PARVB: variants seen among roughly 807,000 people sequenced by gnomAD.
The protein encoded by PARVB is parvin beta, also known as beta-parvin.
PARVB carries 46 observed loss-of-function variants against 47.0 expected under a neutral mutation model. That is an observed-to-expected ratio of 0.98 (90% CI 0.77 to 1.25). The LOEUF (loss-of-function observed/expected upper bound fraction) is 1.25, where lower values mean the gene tolerates loss of function less well. Ranked by LOEUF, PARVB falls within the 50% of genes most tolerant of loss-of-function variation. PARVB has a pLI of 0.00. For missense variants in PARVB, 473 were observed against 471.6 expected, an observed-to-expected ratio of 1.00 and a Z score of -0.03; for synonymous variants, 196 against 196.3, an observed-to-expected ratio of 1.00 and a Z score of 0.01.
At chr22:44,010,339 C>T (rs2050509975) in intron 2 of PARVB, among the ~76,000 whole-genome samples, 1 of 152,182 alleles carries the variant, frequency 6.6e-6, no homozygotes, top group African/African-American at 2.4e-5. Context: ...GATCACTCTG[C>T]CCTTTCCCCT....
intron 10 of PARVB, among the ~76,000 whole-genome samples, chr22:44,153,859 G>C (rs1047076578): frequency 3.3e-5 from 5 of 152,196 alleles, no homozygotes; most frequent in African/African-American, 1.2e-4. Context: ...CATTAAACCA[G>C]TGCCTCACGA....
intron 1 of PARVB, among the ~76,000 whole-genome samples, chr22:44,084,063 T>C (rs1338442931): frequency 6.6e-6 from 1 of 152,226 alleles, no homozygotes; most frequent in Non-Finnish European, 1.5e-5. Context: ...TCTTTCGATC[T>C]GGTGCCTTCA....
intron 1 of PARVB, among the ~76,000 whole-genome samples, chr22:44,082,859 C>T (rs1030765010): frequency 1.3e-5 from 2 of 152,070 alleles, no homozygotes; most frequent in Admixed American, 6.6e-5. Flanking sequence ...GGCTTCGGAG[C>T]TTTTTTTACA....
chr22:44,161,111 TTGTGTG>T (rs757284719), intron 11 of PARVB, among the ~76,000 whole-genome samples: 1 of 150,466 alleles, frequency 6.6e-6, no homozygotes, highest in Non-Finnish European at 1.5e-5. Flanking sequence ...GTCAAGCCTG[TTGTGTG>T]TGTGTGTGTG....
chr22:44,120,536 G>A (rs28696927), intron 4 of PARVB, among the ~76,000 whole-genome samples: 13,336 of 152,164 alleles, frequency 0.088, 1,917 homozygotes, highest in African/African-American at 0.3. Context: ...CCTCCTGGGG[G>A]CATCGTATCA....
At chr22:44,002,701 C>CAT (rs2050425095) in intron 2 of PARVB, among the ~76,000 whole-genome samples, 1 of 152,182 alleles carries the variant, frequency 6.6e-6, no homozygotes, top group South Asian at 2.1e-4. Context: ...CCTGTTTTTA[C>CAT]ATTTACACAT....
In PARVB at chr22:44,024,461, C is replaced by A. The variant is rs1435066022; in HGVS notation, c.112+10C>A. 8.7e-6 allele frequency: 10 copies of A among 1,143,628 alleles called. No individual in the cohort carries two copies. The African/African-American group carries it at 1.3e-4, about 15-fold the overall frequency. The allele number at this position is 1,143,628 out of a possible 1,614,324, so 70.8% of individuals were successfully genotyped here. The stretch of plus-strand genomic sequence containing the variant: ...CGGAGGGCGCGCGAGGGTGAGTGCG[C>A]GCCCGCGCCCGCCGACCCCCGGGGA... On this transcript the variant is annotated intron_variant, in intron 1 of 12. Transcript: ENST00000338758.
intron 1 of PARVB, among the ~76,000 whole-genome samples, chr22:44,082,988 C>T (rs531247318): frequency 6.6e-6 from 1 of 152,234 alleles, no homozygotes; most frequent in South Asian, 2.1e-4. Context: ...GGTCGGAATG[C>T]ACACCCCAGG....
intron 6 of PARVB, 68 bp from the exon 7 acceptor site, chr22:44,136,392 G>A: frequency 7.1e-7 from 1 of 1,399,998 alleles, no homozygotes; most frequent in Non-Finnish European, 1.0e-6. Context: ...AGCTTCGTCT[G>A]CCCTGTCAGT....
At chr22:44,059,828 G>A (rs746880396) in intron 1 of PARVB, among the ~76,000 whole-genome samples, 3 of 152,174 alleles carry the variant, frequency 2.0e-5, no homozygotes, top group Non-Finnish European at 2.9e-5. Flanking sequence ...CTGTCATTTG[G>A]TTTTAAACAG....
chr22:44,122,582 G>GAGAGAGACAGAGAGAC (rs2053091877), intron 4 of PARVB, among the ~76,000 whole-genome samples: 6 of 132,764 alleles, frequency 4.5e-5, no homozygotes, highest in African/African-American at 2.1e-4. Flanking sequence ...GAGAGAGAGA[G>GAGAGAGACAGAGAGAC]AGAGAGAGAG....
At chr22:44,119,282 T>C in intron 4 of PARVB, 142 bp downstream of exon 4, 1 of 670,568 alleles carries the variant, frequency 1.5e-6, no homozygotes, top group Non-Finnish European at 2.7e-6. Flanking sequence ...TCCCAGGTGG[T>C]GCCCAGGCCC....
chr22:44,052,569 T>A (rs1347820990), intron 1 of PARVB, among the ~76,000 whole-genome samples: 1 of 152,212 alleles, frequency 6.6e-6, no homozygotes, highest in Admixed American at 6.5e-5. Context: ...TAGGAATGAA[T>A]CAACTCTGCC....
At chr22:44,148,725 T>TTTTTCAAACTTG (rs2053740436) in intron 9 of PARVB, 1 of 152,228 alleles carries the variant, frequency 6.6e-6, no homozygotes, top group Admixed American at 6.5e-5. Flanking sequence ...GTAGGAAGCA[T>TTTTTCAAACTTG]TTTTCAAACT....
intron 1 of PARVB, among the ~76,000 whole-genome samples, chr22:44,035,280 C>A (rs2146903593): frequency 6.6e-6 from 1 of 152,014 alleles, no homozygotes; most frequent in East Asian, 1.9e-4. Flanking sequence ...AAGTGGCCGG[C>A]AACTGCAGCT....
At chr22:44,039,868 G>T (rs1164589310) in intron 1 of PARVB, 1 of 455,620 alleles carries the variant, frequency 2.2e-6, no homozygotes, top group Non-Finnish European at 4.4e-6. Context: ...AGGCTGAAGT[G>T]CAGTGGTGCA....
intron 1 of PARVB, among the ~76,000 whole-genome samples, chr22:44,050,159 C>G (rs1233471755): frequency 6.6e-6 from 1 of 152,196 alleles, no homozygotes; most frequent in Non-Finnish European, 1.5e-5. Context: ...CCTGCTGCCA[C>G]TGCCTTTACA....
chr22:44,062,956 G>A (rs561157766), intron 1 of PARVB, among the ~76,000 whole-genome samples: 1 of 152,138 alleles, frequency 6.6e-6, no homozygotes, highest in African/African-American at 2.4e-5. Context: ...GGGGTTGGGG[G>A]GTGTGGAGCT....
At chr22:44,021,195 G>C (rs2050643535), upstream of PARVB, among the ~76,000 whole-genome samples, 1 of 152,204 alleles carries the variant, frequency 6.6e-6, no homozygotes, top group African/African-American at 2.4e-5. Flanking sequence ...CAGTCAGAGT[G>C]GTGAAGCCCC....
Sources: gnomAD v4.1 joint callset for allele counts (sites outside exome capture counted in the v4.1 genomes callset) on GRCh38, gnomAD v4.1.1 for gene constraint, MANE v1.5 for transcripts, NCBI Gene and HGNC (gene_info 2026-07-23, HGNC 2026-07-21) for gene names.